Variants in ZNF385D observed in about 807,000 individuals in gnomAD.
ZNF385D encodes zinc finger protein 659.
In ZNF385D, 15 loss-of-function variants were observed where a neutral mutation model predicts 35.8. The ratio of observed to expected loss-of-function variants is 0.42; its 90% CI spans 0.28 to 0.64. The LOEUF (loss-of-function observed/expected upper bound fraction) is 0.64, where lower values mean the gene tolerates loss of function less well. Among genes scored for constraint, ZNF385D ranks in the 30% least tolerant of loss-of-function variants. The pLI is 0.23. For missense variants in ZNF385D, 474 were observed against 494.6 expected (o/e 0.96, Z 0.39); for synonymous variants, 212 against 186.8 (o/e 1.13, Z -1.10).
chr3:22,337,797 ATGTTAGTTATACC>A (rs1208186817), intron 2 of ZNF385D, among the ~76,000 whole-genome samples: 1 of 152,220 alleles, frequency 6.6e-6, no homozygotes, highest in Non-Finnish European at 1.5e-5. Flanking sequence ...GAATGGAACC[ATGTTAGTTATACC>A]TGTAAGGTGA....
chr3:22,291,252 G>A (rs1702287054), intron 2 of ZNF385D, among the ~76,000 whole-genome samples: 2 of 152,038 alleles, frequency 1.3e-5, no homozygotes, highest in Admixed American at 1.3e-4. Context: ...AAAAATAATG[G>A]AAACTTTCCT....
At chr3:22,332,015 T>TAGAAAATAGAGAAGAATAGTAC (rs1479916961) in intron 2 of ZNF385D, among the ~76,000 whole-genome samples, 2 of 152,186 alleles carry the variant, frequency 1.3e-5, no homozygotes, top group African/African-American at 4.8e-5. Context: ...AAGAATAGTA[T>TAGAAAATAGAGAAGAATAGTAC]AGAAAATATA....
At chr3:21,969,968 T>G (rs1372628794) in intron 3 of ZNF385D, among the ~76,000 whole-genome samples, 1 of 152,240 alleles carries the variant, frequency 6.6e-6, no homozygotes, top group Middle Eastern at 3.4e-3. Context: ...ATCCAGTATC[T>G]CTATAAGTCT....
chr3:22,286,581 A>G (rs1702035850), intron 2 of ZNF385D, among the ~76,000 whole-genome samples: 1 of 152,098 alleles, frequency 6.6e-6, no homozygotes, highest in African/African-American at 2.4e-5. Flanking sequence ...GCATTGCATA[A>G]GGCGATATGT....
At chr3:21,611,803 A>G (rs2064687898) in intron 2 of ZNF385D, among the ~76,000 whole-genome samples, 1 of 152,074 alleles carries the variant, frequency 6.6e-6, no homozygotes, top group Admixed American at 6.5e-5. Flanking sequence ...AAAGTACCTG[A>G]AGATGACATG....
At position 21,422,750 on chromosome 3, in the gene ZNF385D, T is replaced by C. The variant is rs1196420813; in HGVS notation, c.954+1213A>G. Among the ~76,000 whole-genome samples, 2 of 152,198 alleles carry C rather than the reference T, an allele frequency of 1.3e-5. 1 individual carries two copies. Among genetic ancestry groups the C allele is most frequent in the African/African-American group, 4.8e-5 (2 of 41,456 alleles). ...CTAAAGACAAAAACACATGATTATC[T>C]CAATGGATGCAGAAAAGGCTTTCAA... On this transcript the variant is annotated intron_variant, in intron 7 of 7. Coordinates refer to ENST00000281523, the MANE Select transcript of ZNF385D (RefSeq NM_024697.3).
intron 2 of ZNF385D, among the ~76,000 whole-genome samples, chr3:22,250,413 T>C (rs1700004250): frequency 6.6e-6 from 1 of 152,084 alleles, no homozygotes; most frequent in African/African-American, 2.4e-5. Context: ...CTAAGCAGGT[T>C]GATAAGCAGA....
chr3:21,916,573 G>A (rs1160154664), intron 3 of ZNF385D, among the ~76,000 whole-genome samples: 1 of 152,028 alleles, frequency 6.6e-6, no homozygotes, highest in Non-Finnish European at 1.5e-5. Context: ...GATTACATAT[G>A]CTTTGGCATA....
Position 21,709,803 on chromosome 3 carries a change from T to C in ZNF385D, c.22+41092A>G, listed in dbSNP as rs1317209821. On this transcript the variant is annotated intron_variant, in intron 1 of 7. Coordinates refer to ENST00000281523, the MANE Select transcript of ZNF385D (RefSeq NM_024697.3). ...GACTCAGCTGTCCCACTCCTAGGTG[T>C]CTTCCCAAGAAAAGTAAAAACTTTA... 2.6e-5 allele frequency among the ~76,000 whole-genome samples: 4 copies of C among 152,198 alleles called. No homozygotes were observed. In the East Asian group the frequency reaches 7.7e-4, roughly 29 times the overall value.
In ZNF385D at chr3:22,249,954, T is replaced by C. The variant is rs116582643; in HGVS notation, c.107-80919A>G. Among the ~76,000 whole-genome samples, 555 of 152,270 alleles carry C rather than the reference T, an allele frequency of 3.6e-3. 2 individuals carry two copies. Among genetic ancestry groups the C allele is most frequent in the African/African-American group, 0.013 (531 of 41,578 alleles). On this transcript the variant is annotated intron_variant, in intron 2 of 5. Transcript: ENST00000494108. ...AGCTAACTGGGCACCACATATTTTC[T>C]CAGGGAGATATTATCAAATTACCCA...
intron 3 of ZNF385D, among the ~76,000 whole-genome samples, chr3:21,976,923 G>C (rs895276354): frequency 6.6e-6 from 1 of 152,158 alleles, no homozygotes; most frequent in Non-Finnish European, 1.5e-5. Context: ...GGGAGGCGGA[G>C]GTTGCAGTGA....
chr3:22,199,599 C>T (rs533905092), intron 2 of ZNF385D, among the ~76,000 whole-genome samples: 4 of 152,062 alleles, frequency 2.6e-5, no homozygotes, highest in Non-Finnish European at 4.4e-5. Flanking sequence ...GTGGCACATA[C>T]GGATTGTTAC....
At chr3:22,231,058 C>G in intron 2 of ZNF385D, among the ~76,000 whole-genome samples, 1 of 152,130 alleles carries the variant, frequency 6.6e-6, no homozygotes, top group East Asian at 1.9e-4. Flanking sequence ...AAAACAGCAA[C>G]AGGACCTCAA....
intron 4 of ZNF385D, among the ~76,000 whole-genome samples, chr3:21,462,259 T>G (rs1231665893): frequency 6.6e-6 from 1 of 152,310 alleles, no homozygotes; most frequent in African/African-American, 2.4e-5. Flanking sequence ...GTGTTTAGAA[T>G]TTCTCAGGCT....
chr3:21,956,667 A>G (rs1576005093), intron 3 of ZNF385D, among the ~76,000 whole-genome samples: 1 of 151,784 alleles, frequency 6.6e-6, no homozygotes, highest in East Asian at 1.9e-4. Context: ...ATGCAATGGT[A>G]AAAAGTGATA....
In ZNF385D at chr3:22,018,712, C is replaced by T. The variant is rs1159466789; in HGVS notation, c.325+150105G>A. Among the ~76,000 whole-genome samples the T allele has an allele frequency of 2.6e-5, 4 of 151,996 alleles. No homozygotes were observed. The East Asian group carries it at 7.7e-4, about 29-fold the overall frequency. ...TCTCTTTCTCATAATGGCCTATTTA[C>T]ACTTGTGGATTGTTTTTAGCTTGGG... On this transcript the variant is annotated intron_variant, in intron 3 of 5. Transcript: ENST00000494108.
Position 22,195,404 on chromosome 3 carries a change from TAA to T in ZNF385D, c.107-26371_107-26370del, listed in dbSNP as rs1385530483. On this transcript the variant is annotated intron_variant, in intron 2 of 5. Coordinates refer to the ZNF385D transcript ENST00000494108. The stretch of plus-strand genomic sequence containing the variant: ...TATATATATTTTTTCTTTCTAGATA[TAA>T]GTCTTTTATTGGCAGGGCCACCCTG... Among the ~76,000 whole-genome samples the T allele has an allele frequency of 9.2e-5, 14 of 152,102 alleles. 1 individual carries two copies. Among genetic ancestry groups the T allele is most frequent in the Admixed American group, 8.5e-4 (13 of 15,234 alleles).
intron 3 of ZNF385D, among the ~76,000 whole-genome samples, chr3:21,906,064 T>A (rs1226395719): frequency 2.0e-5 from 3 of 152,172 alleles, no homozygotes; most frequent in Non-Finnish European, 4.4e-5. Flanking sequence ...TTAGAAAGAA[T>A]TAAACTTCCG....
At chr3:22,038,440 G>A (rs1698467923) in intron 3 of ZNF385D, among the ~76,000 whole-genome samples, 1 of 152,058 alleles carries the variant, frequency 6.6e-6, no homozygotes, top group Admixed American at 6.6e-5. Context: ...TCACAGAGTT[G>A]GGGAAAGCAA....
Sources: allele counts gnomAD v4.1 joint callset (sites outside exome capture counted in the v4.1 genomes callset), GRCh38; gene constraint gnomAD v4.1.1; transcripts MANE v1.5; gene names NCBI Gene and HGNC (gene_info 2026-07-23, HGNC 2026-07-21).